ZFPM2: variants seen among roughly 807,000 people sequenced by gnomAD.
ZFPM2 encodes zinc finger protein, FOG family member 2.
A neutral mutation model predicts 98.6 loss-of-function variants in ZFPM2; 20 were observed. The ratio of observed to expected loss-of-function variants is 0.20; its 90% confidence interval spans 0.14 to 0.29. ZFPM2 has a LOEUF of 0.29. Ranked by LOEUF, ZFPM2 falls within the 10% of genes least tolerant of loss-of-function variation. ZFPM2 has a pLI of 1.00. For synonymous variants in ZFPM2, 518 were observed against 502.7 expected (o/e 1.03, Z -0.41); for missense variants, 1,310 against 1,388.6 (o/e 0.94, Z 0.90).
chr8:105,783,751 G>A (rs1422541349), intron 5 of ZFPM2, among the ~76,000 whole-genome samples: 1 of 152,108 alleles, frequency 6.6e-6, no homozygotes, highest in East Asian at 1.9e-4. Flanking sequence ...TCAGTTGTAT[G>A]TGTAGATCAC....
chr8:105,647,516 A>C (rs1329520889), intron 5 of ZFPM2, among the ~76,000 whole-genome samples: 2 of 147,472 alleles, frequency 1.4e-5, no homozygotes, highest in African/African-American at 2.5e-5. Flanking sequence ...TCCTAATGCT[A>C]TCCCTCCCGC....
intron 1 of ZFPM2, among the ~76,000 whole-genome samples, chr8:105,352,283 G>A (rs533153106): frequency 5.3e-5 from 8 of 152,236 alleles, no homozygotes; most frequent in African/African-American, 1.4e-4. Flanking sequence ...ATTTTGACAA[G>A]TTTTAAATAC....
At chr8:105,451,096 C>G (rs1812476182) in intron 3 of ZFPM2, among the ~76,000 whole-genome samples, 1 of 152,044 alleles carries the variant, frequency 6.6e-6, no homozygotes, top group Admixed American at 6.6e-5. Context: ...TATACTTCTT[C>G]AGCTGTGTAA....
At chr8:105,698,786 G>A (rs1811075531) in intron 5 of ZFPM2, among the ~76,000 whole-genome samples, 1 of 152,152 alleles carries the variant, frequency 6.6e-6, no homozygotes, top group African/African-American at 2.4e-5. Context: ...CTTTATGATT[G>A]CAACAAGGTT....
intron 3 of ZFPM2, among the ~76,000 whole-genome samples, chr8:105,452,499 G>C (rs1025375867): frequency 3.3e-5 from 5 of 151,896 alleles, no homozygotes; most frequent in African/African-American, 1.2e-4. Flanking sequence ...TGTAATCCCA[G>C]TGCTTTGGGA....
intron 3 of ZFPM2, among the ~76,000 whole-genome samples, chr8:105,512,880 A>C (rs571575763): frequency 5.3e-5 from 8 of 151,910 alleles, no homozygotes; most frequent in Admixed American, 5.2e-4. Context: ...ACATGTATGT[A>C]TATGTGTGTG....
At chr8:105,347,286 A>G (rs1364359890) in intron 1 of ZFPM2, among the ~76,000 whole-genome samples, 1 of 152,214 alleles carries the variant, frequency 6.6e-6, no homozygotes, top group Non-Finnish European at 1.5e-5. Flanking sequence ...TATATGAAAC[A>G]TAAAACTTCC....
chr8:105,652,040 A>T (rs1817188985), intron 5 of ZFPM2, among the ~76,000 whole-genome samples: 1 of 152,034 alleles, frequency 6.6e-6, no homozygotes, highest in African/African-American at 2.4e-5. Context: ...ATTTGAAACA[A>T]AACCTACATA....
At chr8:105,506,681 A>G (rs1341576020) in intron 3 of ZFPM2, among the ~76,000 whole-genome samples, 2 of 152,136 alleles carry the variant, frequency 1.3e-5, no homozygotes, top group Admixed American at 6.5e-5. Flanking sequence ...TCGTATCTAA[A>G]CTCGAAAAGA....
chr8:105,397,392 A>C (rs1282587564), intron 1 of ZFPM2, among the ~76,000 whole-genome samples: 1 of 152,152 alleles, frequency 6.6e-6, no homozygotes, highest in East Asian at 1.9e-4. Context: ...AAAAAAAATA[A>C]ATTTTATCAC....
At chr8:105,511,053 A>G (rs1190559398) in intron 3 of ZFPM2, among the ~76,000 whole-genome samples, 2 of 152,192 alleles carry the variant, frequency 1.3e-5, no homozygotes, top group African/African-American at 4.8e-5. Context: ...AGGCCTGCCC[A>G]TAGCACTCAG....
rs772013671 is a variant in ZFPM2, at chr8:105,802,617, G to A, written c.2535G>A (p.Thr845=). 7 of 1,610,548 alleles carry A rather than the reference G, an allele frequency of 4.3e-6. No homozygotes were observed. Among genetic ancestry groups the A allele is most frequent in the South Asian group, 2.2e-5 (2 of 90,436 alleles). ...TATCTCAGTCTGAGCGGACGACCACGTCTCCCAAAAGGCTGCTGGACTATC... is the reference window on the plus strand; with the variant it reads ...TATCTCAGTCTGAGCGGACGACCACATCTCCCAAAAGGCTGCTGGACTATC... ...KCLSQSERTT[T]SPKRLLDYHE... The change falls in exon 8 of 8, where the codon ACG becomes ACA. Residue 845 remains threonine, a synonymous_variant. Coordinates refer to ENST00000407775, the MANE Select transcript of ZFPM2 (RefSeq NM_012082.4).
chr8:105,644,828 A>C (rs1817012587), intron 5 of ZFPM2, among the ~76,000 whole-genome samples: 1 of 151,766 alleles, frequency 6.6e-6, no homozygotes, highest in African/African-American at 2.4e-5. Context: ...TTATGTGTAC[A>C]CTCATCCCAT....
chr8:105,540,975 T>G (rs1814563882), intron 3 of ZFPM2, among the ~76,000 whole-genome samples: 2 of 152,156 alleles, frequency 1.3e-5, no homozygotes, highest in South Asian at 2.1e-4. Context: ...TACATGACTT[T>G]GAAACAGTTT....
At chr8:105,684,259 A>G (rs976573990) in intron 5 of ZFPM2, among the ~76,000 whole-genome samples, 2 of 152,062 alleles carry the variant, frequency 1.3e-5, no homozygotes, top group African/African-American at 4.8e-5. Context: ...TCCTTTTTTC[A>G]CAAAGGACTT....
At chr8:105,408,953 C>G (rs1358076778) in intron 1 of ZFPM2, among the ~76,000 whole-genome samples, 1 of 151,812 alleles carries the variant, frequency 6.6e-6, no homozygotes, top group Non-Finnish European at 1.5e-5. Context: ...ATGTTGCTGT[C>G]CTGTAAAATC....
intron 5 of ZFPM2, among the ~76,000 whole-genome samples, chr8:105,754,946 A>ATGTGTG (rs34267329): frequency 0.01 from 1,525 of 146,530 alleles, 24 homozygotes; most frequent in African/African-American, 0.026. Flanking sequence ...GAAATTTAAT[A>ATGTGTG]TGTGTGTGTG....
At chr8:105,448,932 T>C (rs1453564582) in intron 3 of ZFPM2, among the ~76,000 whole-genome samples, 1 of 152,020 alleles carries the variant, frequency 6.6e-6, no homozygotes, top group Non-Finnish European at 1.5e-5. Flanking sequence ...TTGAAAATAG[T>C]GTTTACATCC....
chr8:105,657,688 C>A (rs1817311955), intron 5 of ZFPM2, among the ~76,000 whole-genome samples: 1 of 152,144 alleles, frequency 6.6e-6, no homozygotes, highest in Admixed American at 6.5e-5. Flanking sequence ...CTTGTAGCTA[C>A]TTCACAAAAG....
Sources: gnomAD v4.1 joint callset for allele counts (sites outside exome capture counted in the v4.1 genomes callset) on GRCh38, gnomAD v4.1.1 for gene constraint, MANE v1.5 for transcripts, NCBI Gene and HGNC (gene_info 2026-07-23, HGNC 2026-07-21) for gene names.